Variants in PHF24 observed in about 807,000 individuals in gnomAD.
PHF24 encodes Galpha inhibitory interacting protein.
Under a neutral mutation model 42.6 loss-of-function variants are expected in PHF24, and 25 were observed. That is an observed-to-expected ratio of 0.59 (90% CI 0.43 to 0.82). The LOEUF (loss-of-function observed/expected upper bound fraction) is 0.82. Among genes scored for constraint, PHF24 ranks in the 40% least tolerant of loss-of-function variants. PHF24 has a pLI of 0.00. For synonymous variants in PHF24, 185 were observed against 204.8 expected (o/e 0.90, Z 0.83); for missense variants, 470 against 538.1 (o/e 0.87, Z 1.25).
the PHF24 span, among the ~76,000 whole-genome samples, chr9:34,737,953 C>G: frequency 1.3e-5 from 2 of 150,058 alleles, no homozygotes; most frequent in African/African-American, 5.0e-5. Context: ...TGGCTTTTGT[C>G]TAGCTTTTTT....
At chr9:34,948,936 G>A in the PHF24 span, among the ~76,000 whole-genome samples, 3 of 152,176 alleles carry the variant, frequency 2.0e-5, no homozygotes, top group East Asian at 3.8e-4. Flanking sequence ...CTATTACCAG[G>A]AGTAAAGAGC....
At chr9:34,724,524 T>C in the PHF24 span, 1 of 1,550,710 alleles carries the variant, frequency 6.4e-7, no homozygotes, top group South Asian at 1.2e-5. Context: ...CTAATGGGAA[T>C]TCCCCATTGT....
At chr9:34,725,121 C>A in the PHF24 span, 1 of 1,550,350 alleles carries the variant, frequency 6.5e-7, no homozygotes, top group South Asian at 1.2e-5. Flanking sequence ...ACTGCCAGGA[C>A]CCCAGAAATT....
chr9:34,850,825 C>G, the PHF24 span, among the ~76,000 whole-genome samples: 1 of 152,200 alleles, frequency 6.6e-6, no homozygotes, highest in African/African-American at 2.4e-5. Flanking sequence ...CAGACAGTAC[C>G]CTCAGCTGCA....
chr9:34,725,853 G>T, the PHF24 span: 75 of 1,551,772 alleles, frequency 4.8e-5, no homozygotes, highest in African/African-American at 6.8e-5. Context: ...TTCAAGGGGG[G>T]CTTGGGCACA....
At chr9:34,838,605 G>A in the PHF24 span, 6 of 652,514 alleles carry the variant, frequency 9.2e-6, no homozygotes, top group African/African-American at 1.8e-5. Context: ...CACAGAGGAC[G>A]GAACTAGGCC....
At chr9:34,898,048 C>G in the PHF24 span, among the ~76,000 whole-genome samples, 1 of 152,096 alleles carries the variant, frequency 6.6e-6, no homozygotes, top group African/African-American at 2.4e-5. Context: ...TATATATATA[C>G]CACAGTTTCT....
At chr9:34,680,952 T>C in the PHF24 span, 1 of 152,374 alleles carries the variant, frequency 6.6e-6, no homozygotes, top group East Asian at 1.9e-4. Context: ...CTGGTTTTAC[T>C]TCTCATCTTG....
chr9:34,850,377 C>T, the PHF24 span, among the ~76,000 whole-genome samples: 1 of 152,346 alleles, frequency 6.6e-6, no homozygotes, highest in Non-Finnish European at 1.5e-5. Flanking sequence ...GATACCCTTT[C>T]TTCCAGTTGG....
the PHF24 span, among the ~76,000 whole-genome samples, chr9:34,791,582 TAA>T: frequency 3.9e-3 from 560 of 143,724 alleles, no homozygotes; most frequent in Non-Finnish European, 4.6e-3. Flanking sequence ...AATATAGATT[TAA>T]AAAAAAAAAA....
the PHF24 span, among the ~76,000 whole-genome samples, chr9:34,745,256 A>T: frequency 6.6e-6 from 1 of 152,124 alleles, no homozygotes; most frequent in African/African-American, 2.4e-5. Context: ...GCTGCTCCAT[A>T]CTGGCTTCTT....
At chr9:34,848,469 C>T in the PHF24 span, among the ~76,000 whole-genome samples, 8 of 151,938 alleles carry the variant, frequency 5.3e-5, no homozygotes, top group African/African-American at 1.2e-4. Context: ...TTTTTTATTG[C>T]GTCTATTTGA....
At chr9:34,723,752 G>A in the PHF24 span, 2 of 1,551,696 alleles carry the variant, frequency 1.3e-6, no homozygotes, top group Non-Finnish European at 1.7e-6. Flanking sequence ...TGAAGCCTGG[G>A]GCAACACAGT....
the PHF24 span, among the ~76,000 whole-genome samples, chr9:34,750,225 A>G: frequency 3.3e-5 from 5 of 152,172 alleles, no homozygotes; most frequent in Non-Finnish European, 7.3e-5. Flanking sequence ...ACATAGTACA[A>G]TAAGAAATAG....
At chr9:34,939,851 A>G in the PHF24 span, among the ~76,000 whole-genome samples, 2 of 152,164 alleles carry the variant, frequency 1.3e-5, no homozygotes, top group African/African-American at 4.8e-5. Flanking sequence ...ACTACTGTTG[A>G]TATCAGGCCT....
At chr9:34,746,209 T>C in the PHF24 span, among the ~76,000 whole-genome samples, 158 of 152,288 alleles carry the variant, frequency 1.0e-3, 2 homozygotes, top group African/African-American at 3.7e-3. Flanking sequence ...TAGCAGTAAG[T>C]ATGAACTGGA....
the PHF24 span, among the ~76,000 whole-genome samples, chr9:34,808,609 A>C: frequency 0.32 from 48,293 of 151,878 alleles, 8,238 homozygotes; most frequent in East Asian, 0.56. Flanking sequence ...AGGCACCAAC[A>C]GTTTGGTGTC....
At chr9:34,895,066 G>A in the PHF24 span, 1 of 398,414 alleles carries the variant, frequency 2.5e-6, no homozygotes, top group South Asian at 1.3e-4. Context: ...CCAGACTTTT[G>A]TTGGACTCTT....
At chr9:34,922,722 T>C in the PHF24 span, 1 of 1,569,112 alleles carries the variant, frequency 6.4e-7, no homozygotes, top group Non-Finnish European at 8.7e-7. Flanking sequence ...TTCTGTCTTT[T>C]GTTCAATACT....
Sources: allele counts gnomAD v4.1 joint callset (sites outside exome capture counted in the v4.1 genomes callset), GRCh38; gene constraint gnomAD v4.1.1; transcripts MANE v1.5; gene names NCBI Gene and HGNC (gene_info 2026-07-23, HGNC 2026-07-21).